Variants in INTS9 observed in about 807,000 individuals in gnomAD.
INTS9 encodes the protein protein related to CPSF subunits of 74 kDa.
Under a neutral mutation model 79.7 loss-of-function variants are expected in INTS9, and 55 were observed. The observed-to-expected ratio is 0.69, with a 90% CI of 0.56 to 0.86. The LOEUF (loss-of-function observed/expected upper bound fraction) is 0.86, where lower values mean the gene tolerates loss of function less well. Ranked by LOEUF, INTS9 falls within the 40% of genes least tolerant of loss-of-function variation. INTS9 has a pLI of 0.00. For synonymous variants in INTS9, 319 were observed against 325.2 expected (o/e 0.98, Z 0.20); for missense variants, 721 against 831.5 (o/e 0.87, Z 1.64).
intron 6 of INTS9, among the ~76,000 whole-genome samples, chr8:28,823,605 T>C (rs1006661303): frequency 6.6e-6 from 1 of 152,232 alleles, no homozygotes; most frequent in African/African-American, 2.4e-5. Context: ...ACCTGTTTTA[T>C]GTCAGTTTAA....
Position 28,865,919 on chromosome 8 carries a change from T to TC in INTS9, c.10-6357dup, listed in dbSNP as rs575548395. Among the ~76,000 whole-genome samples, 374 of 152,110 alleles carry TC rather than the reference T, an allele frequency of 2.5e-3. 6 individuals carry two copies. The highest frequency in any genetic ancestry group is 8.8e-3 in the African/African-American group (365 of 41,488). ...TGCATGTGGTAATGTTTCATTTTAC[T>TC]CCCCCCTCCCTGTGACTAAATTATC... On this transcript the variant is annotated intron_variant, in intron 1 of 16. Transcript: ENST00000521022.
intron 6 of INTS9, among the ~76,000 whole-genome samples, chr8:28,819,211 C>T (rs1327502176): frequency 6.6e-6 from 1 of 152,066 alleles, no homozygotes; most frequent in African/African-American, 2.4e-5. Flanking sequence ...AATGTGTTTG[C>T]TCTTGCTTTT....
In INTS9 at chr8:28,862,162, G is replaced by C. The variant is rs73554847; in HGVS notation, c.10-2599C>G. 2.7e-3 allele frequency: 2,693 copies of C among 985,368 alleles called. 61 individuals carry two copies. The African/African-American group carries it at 0.043, about 16-fold the overall frequency. 61.0% of individuals were successfully genotyped at this position (985,368 alleles called of 1,614,324 possible). A position where few individuals can be genotyped will look rare whatever the true frequency, so the allele number is the denominator to read the frequency against. On this transcript the variant is annotated intron_variant, in intron 1 of 16. Transcript: ENST00000521022. ...CAGCGATGCTCTTTGTGCAATTCCAGTTTTCTTCCTCTGTCACCAAGCAGC... is the reference window on the plus strand; with the variant it reads ...CAGCGATGCTCTTTGTGCAATTCCACTTTTCTTCCTCTGTCACCAAGCAGC...
intron 3 of INTS9, 129 bp downstream of exon 3, chr8:28,850,084 A>T: frequency 1.5e-6 from 1 of 648,778 alleles, no homozygotes; most frequent in African/African-American, 1.8e-5. Flanking sequence ...CCTAGCATAG[A>T]TCTTGGGGAT....
rs143981127 is a variant in INTS9 at position 28,850,720 on chromosome 8, T to C, written c.138-447A>G. Among the ~76,000 whole-genome samples, 1,472 of 152,292 alleles carry C rather than the reference T, an allele frequency of 9.7e-3. 15 individuals carry two copies. The highest frequency in any genetic ancestry group is 0.018 in the South Asian group (85 of 4,828). On this transcript the variant is annotated intron_variant, in intron 2 of 16. Transcript: ENST00000521022. ...CTGCCCTGCTATCTTCCCATCAGCATTCACAACAAACACGAATACCCGAAT... is the reference window on the plus strand; with the variant it reads ...CTGCCCTGCTATCTTCCCATCAGCACTCACAACAAACACGAATACCCGAAT...
intron 10 of INTS9, among the ~76,000 whole-genome samples, chr8:28,792,510 C>G (rs1182614308): frequency 2.0e-5 from 3 of 151,092 alleles, no homozygotes; most frequent in African/African-American, 7.3e-5. Context: ...AATCAAAGGC[C>G]TAAATGCAAT....
intron 3 of INTS9, among the ~76,000 whole-genome samples, chr8:28,847,426 C>T (rs1316646861): frequency 2.0e-5 from 3 of 151,858 alleles, no homozygotes; most frequent in Non-Finnish European, 4.4e-5. Flanking sequence ...TCACCACCTC[C>T]TCCACTACCA....
intron 4 of INTS9, among the ~76,000 whole-genome samples, chr8:28,842,089 A>T (rs1218436917): frequency 1.3e-5 from 2 of 152,200 alleles, no homozygotes; most frequent in African/African-American, 4.8e-5. Flanking sequence ...CCCCATCTCA[A>T]AAAAAATCAT....
In INTS9 at chr8:28,837,657, T is replaced by C; in HGVS notation, c.381A>G (p.Glu127=). The C allele has an allele frequency of 6.2e-7, 1 of 1,613,292 alleles. No individual in the cohort carries two copies. The highest frequency in any genetic ancestry group is 8.5e-7 in the Non-Finnish European group (1 of 1,179,944). ...CTCACCTGCCGATCTGGACGGTGGGTTCCGTGGCATACACTGTGCCTGTGA... is the reference window on the plus strand; with the variant it reads ...CTCACCTGCCGATCTGGACGGTGGGCTCCGTGGCATACACTGTGCCTGTGA... The part of the protein sequence containing the change: ...TGFTGTVYAT[E]PTVQIGRLLM... The change falls in exon 5 of 17, where the codon GAA becomes GAG. Residue 127 remains glutamate (E), a synonymous_variant. Transcript: ENST00000521022.
chr8:28,832,701 T>G (rs1009558507), intron 6 of INTS9, among the ~76,000 whole-genome samples: 2 of 152,142 alleles, frequency 1.3e-5, no homozygotes, highest in Non-Finnish European at 2.9e-5. Flanking sequence ...TGGTGGCTCA[T>G]GCCTGTAATC....
chr8:28,883,853 G>A (rs565153891), intron 1 of INTS9, among the ~76,000 whole-genome samples: 4 of 152,174 alleles, frequency 2.6e-5, no homozygotes, highest in Non-Finnish European at 5.9e-5. Flanking sequence ...GTTTATGCCT[G>A]GACCTCTGCT....
At chr8:28,846,017 G>T (rs1303523376) in intron 4 of INTS9, among the ~76,000 whole-genome samples, 1 of 152,142 alleles carries the variant, frequency 6.6e-6, no homozygotes, top group East Asian at 1.9e-4. Context: ...TGAATTTGTG[G>T]AACTATTTTC....
intron 1 of INTS9, among the ~76,000 whole-genome samples, chr8:28,870,231 A>G (rs535787908): frequency 5.2e-4 from 79 of 151,578 alleles, no homozygotes; most frequent in African/African-American, 1.8e-3. Context: ...TGGTTACCAC[A>G]GGGGCGAGTG....
At chr8:28,817,497 G>T (rs369124197) in intron 6 of INTS9, among the ~76,000 whole-genome samples, 3 of 152,050 alleles carry the variant, frequency 2.0e-5, no homozygotes, top group South Asian at 2.1e-4. Flanking sequence ...GGGCTCTGTT[G>T]TGTTCCATTG....
At chr8:28,853,714 A>G (rs1194168597) in intron 2 of INTS9, among the ~76,000 whole-genome samples, 5 of 152,262 alleles carry the variant, frequency 3.3e-5, no homozygotes, top group Admixed American at 6.5e-5. Context: ...ACCTAAGACA[A>G]GTAATCTATT....
Position 28,768,209 on chromosome 8 carries a change from G to T in INTS9, c.1914C>A (p.Asp638Glu), listed in dbSNP as rs1034621561. 1 of 1,614,190 alleles carries T rather than the reference G, an allele frequency of 6.2e-7. No homozygotes were observed. Among genetic ancestry groups the T allele is most frequent in the South Asian group, 1.1e-5 (1 of 91,090 alleles). Reference protein sequence around the residue: ...IEEDSTHIICDNDEMLRVRLR... With the variant: ...IEEDSTHIICENDEMLRVRLR... ...GTCGCACTCTGAGCATCTCGTCATT[G>T]TCGCAGATGATATGGGTCGAGTCTT... The change falls in exon 17 of 17, where the codon GAC becomes GAA. Residue 638 changes from aspartate to glutamate, a missense_variant. Physicochemically the swap from Asp to Glu is conservative, Grantham distance 45. Coordinates refer to ENST00000521022, the MANE Select transcript of INTS9 (RefSeq NM_018250.4).
At chr8:28,864,214 C>T (rs943874537) in intron 1 of INTS9, among the ~76,000 whole-genome samples, 2 of 152,122 alleles carry the variant, frequency 1.3e-5, no homozygotes, top group Non-Finnish European at 2.9e-5. Flanking sequence ...TGTGGTGGCA[C>T]ACAACAGATG....
chr8:28,840,141 A>G lies in INTS9; in HGVS notation c.262-2365T>C, dbSNP rs1283172210. Reference sequence around the variant, plus strand: ...CAAAAAGTGGGCAAAGGACATGAACAGACACTTCTCAAAAGAAGACATTTA... The same window carrying G: ...CAAAAAGTGGGCAAAGGACATGAACGGACACTTCTCAAAAGAAGACATTTA... On this transcript the variant is annotated intron_variant, in intron 4 of 16. Transcript: ENST00000521022. 1.7e-4 allele frequency among the ~76,000 whole-genome samples: 26 copies of G among 149,080 alleles called. No individual in the cohort carries two copies. The South Asian group carries it at 2.1e-3, about 12-fold the overall frequency.
At chr8:28,868,106 T>C (rs150021215) in intron 1 of INTS9, among the ~76,000 whole-genome samples, 1,736 of 152,346 alleles carry the variant, frequency 0.011, 34 homozygotes, top group African/African-American at 0.04. Flanking sequence ...TATTACTTTT[T>C]GCAGAGGTGG....
Sources: allele counts gnomAD v4.1 joint callset (sites outside exome capture counted in the v4.1 genomes callset), GRCh38; gene constraint gnomAD v4.1.1; transcripts MANE v1.5; gene names NCBI Gene and HGNC (gene_info 2026-07-23, HGNC 2026-07-21).